GNG2: variants seen among roughly 807,000 people sequenced by gnomAD.
The protein encoded by GNG2 is guanine nucleotide-binding protein G(I)/G(S)/G(O) subunit gamma-2.
Under a neutral mutation model 5.5 loss-of-function variants are expected in GNG2, and 5 were observed. The ratio of observed to expected loss-of-function variants is 0.91; its 90% CI spans 0.48 to 1.92. The LOEUF is 1.92. Among genes scored for constraint, GNG2 ranks in the 30% most tolerant of loss-of-function variants. The probability of loss-of-function intolerance (pLI) is 0.01; values close to 1 mark genes in which losing one functional copy is unlikely to be tolerated. For synonymous variants in GNG2, 28 were observed against 32.0 expected, an observed-to-expected ratio of 0.88 and a Z score of 0.42; for missense variants, 55 against 88.4, an observed-to-expected ratio of 0.62 and a Z score of 1.52.
At chr14:51,949,120 C>CAAAAA (rs1179223330) in intron 2 of GNG2, among the ~76,000 whole-genome samples, 1 of 77,030 alleles carries the variant, frequency 1.3e-5, no homozygotes. Flanking sequence ...GACTCCGTCT[C>CAAAAA]AAAAAAAAAA....
intron 2 of GNG2, among the ~76,000 whole-genome samples, chr14:51,894,288 G>A (rs574220221): frequency 7.2e-5 from 11 of 152,102 alleles, no homozygotes; most frequent in East Asian, 1.9e-4. Flanking sequence ...TTTTTGCTTC[G>A]TTTGGAGTTG....
At chr14:51,916,190 T>C (rs1886609168) in intron 2 of GNG2, 2 of 235,892 alleles carry the variant, frequency 8.5e-6, no homozygotes, top group Non-Finnish European at 1.7e-5. Flanking sequence ...CTGTGTAAAA[T>C]TTCCTTGTGT....
intron 2 of GNG2, among the ~76,000 whole-genome samples, chr14:51,888,831 C>T (rs780041336): frequency 1.8e-4 from 27 of 152,024 alleles, no homozygotes; most frequent in Middle Eastern, 3.2e-3. Flanking sequence ...AAACAAGCAA[C>T]CTGGAGGAAA....
At chr14:51,873,633 A>G (rs1379112604) in intron 1 of GNG2, among the ~76,000 whole-genome samples, 1 of 152,192 alleles carries the variant, frequency 6.6e-6, no homozygotes, top group Non-Finnish European at 1.5e-5. Context: ...GGGGAAAAAT[A>G]GTTTCTTTCT....
intron 2 of GNG2, among the ~76,000 whole-genome samples, chr14:51,885,659 T>G (rs1327245628): frequency 1.3e-5 from 2 of 152,106 alleles, no homozygotes; most frequent in Non-Finnish European, 2.9e-5. Context: ...TATTTCAACA[T>G]TTTAGCCTTT....
At chr14:51,926,582 G>C (rs542775152) in intron 2 of GNG2, among the ~76,000 whole-genome samples, 3 of 152,118 alleles carry the variant, frequency 2.0e-5, no homozygotes, top group African/African-American at 4.8e-5. Context: ...CAAGCATAAA[G>C]AGACTCCCTA....
intron 2 of GNG2, among the ~76,000 whole-genome samples, chr14:51,935,728 G>C (rs981766957): frequency 6.6e-6 from 1 of 151,808 alleles, no homozygotes; most frequent in Non-Finnish European, 1.5e-5. Flanking sequence ...TCTGCAGGCC[G>C]TTGTAGGAAG....
chr14:51,894,153 G>T (rs1885037585), intron 2 of GNG2, among the ~76,000 whole-genome samples: 1 of 152,030 alleles, frequency 6.6e-6, no homozygotes, highest in African/African-American at 2.4e-5. Flanking sequence ...AATTACAACT[G>T]CATTAAAATC....
intron 2 of GNG2, among the ~76,000 whole-genome samples, chr14:51,830,374 A>T (rs529420705): frequency 6.6e-6 from 1 of 152,194 alleles, no homozygotes; most frequent in African/African-American, 2.4e-5. Flanking sequence ...CTTTGTCCTC[A>T]TAACTCCCAA....
intron 1 of GNG2, among the ~76,000 whole-genome samples, chr14:51,876,166 T>C (rs1263818523): frequency 6.6e-6 from 1 of 152,120 alleles, no homozygotes; most frequent in Non-Finnish European, 1.5e-5. Context: ...CTCAAACTCC[T>C]GGACACAAGT....
chr14:51,862,951 G>A (rs957744178), intron 1 of GNG2, among the ~76,000 whole-genome samples: 6 of 150,766 alleles, frequency 4.0e-5, no homozygotes, highest in Admixed American at 4.0e-4. Flanking sequence ...ACTGGCTTTT[G>A]AGGAGTAGAC....
Position 51,900,812 on chromosome 14 carries a change from G to A in GNG2, c.-30+23155G>A, listed in dbSNP as rs573912567. On this transcript the variant is annotated intron_variant, in intron 2 of 3. Coordinates refer to ENST00000556766, the MANE Select transcript of GNG2 (RefSeq NM_053064.5). ...GGTCGTCTAATTGCCAGAAAGAGTA[G>A]CTCAACAGTCATGATTGAATAAAAG... 2.6e-5 allele frequency among the ~76,000 whole-genome samples: 4 copies of A among 152,102 alleles called. No individual in the cohort carries two copies. In the South Asian group the frequency reaches 6.2e-4, roughly 24 times the overall value.
chr14:51,848,638 T>C (rs1881754528), intron 2 of GNG2, among the ~76,000 whole-genome samples: 1 of 152,154 alleles, frequency 6.6e-6, no homozygotes, highest in Non-Finnish European at 1.5e-5. Context: ...CCTGGGTATA[T>C]TAGGAAATAG....
chr14:51,897,446 C>G (rs139826610), intron 2 of GNG2, among the ~76,000 whole-genome samples: 2 of 151,886 alleles, frequency 1.3e-5, no homozygotes, highest in African/African-American at 4.8e-5. Context: ...AAACCTGTGA[C>G]GTAAAAAGGA....
In GNG2 at chr14:51,908,736, A is replaced by ATTTTTTTTTTTT. The variant is rs3030340; in HGVS notation, c.-30+31091_-30+31102dup. On this transcript the variant is annotated intron_variant, in intron 2 of 3. Transcript: ENST00000556766. ...AGGCGTGCGCCACCACACCCAGCTA[A>ATTTTTTTTTTTT]TTTTTTTTTTTTTTTTTTTTTTTAG... 2.6e-3 allele frequency among the ~76,000 whole-genome samples: 238 copies of ATTTTTTTTTTTT among 89,850 alleles called. 29 individuals are homozygous for ATTTTTTTTTTTT. The highest frequency in any genetic ancestry group is 9.0e-3 in the East Asian group (18 of 2,000). 58.9% of individuals were successfully genotyped at this position (89,850 alleles called of 152,430 possible).
chr14:51,884,136 C>A (rs562058046), intron 2 of GNG2, among the ~76,000 whole-genome samples: 1 of 152,166 alleles, frequency 6.6e-6, no homozygotes, highest in African/African-American at 2.4e-5. Context: ...TGCCATTGAA[C>A]CATCTGTTCA....
Position 51,925,138 on chromosome 14 carries a change from G to T in GNG2, c.-29-25512G>T, listed in dbSNP as rs184539719. 2.6e-5 allele frequency among the ~76,000 whole-genome samples: 4 copies of T among 152,302 alleles called. No homozygotes were observed. The East Asian group carries it at 7.7e-4, about 29-fold the overall frequency. ...GATTTTTGAATGTTCACAATGCAAAGAAATGATAAACGTTTGAGGTGATGG... is the reference window on the plus strand; with the variant it reads ...GATTTTTGAATGTTCACAATGCAAATAAATGATAAACGTTTGAGGTGATGG... On this transcript the variant is annotated intron_variant, in intron 2 of 3. Transcript: ENST00000556766.
chr14:51,899,137 T>C (rs1441808688), intron 2 of GNG2, among the ~76,000 whole-genome samples: 1 of 152,178 alleles, frequency 6.6e-6, no homozygotes, highest in African/African-American at 2.4e-5. Flanking sequence ...AGCATATTTC[T>C]TGTCCTGACC....
At chr14:51,928,872 C>T (rs913670312) in intron 2 of GNG2, among the ~76,000 whole-genome samples, 14 of 152,230 alleles carry the variant, frequency 9.2e-5, no homozygotes, top group Admixed American at 3.3e-4. Context: ...CGCGCCTGGC[C>T]GGGTGTTTGC....
Sources: gnomAD v4.1 joint callset for allele counts (sites outside exome capture counted in the v4.1 genomes callset) on GRCh38, gnomAD v4.1.1 for gene constraint, MANE v1.5 for transcripts, NCBI Gene and HGNC (gene_info 2026-07-23, HGNC 2026-07-21) for gene names.